Variants in IQGAP2 observed in about 807,000 individuals in gnomAD.
IQGAP2 encodes the protein IQ motif containing GTPase activating protein 2.
A neutral mutation model predicts 201.3 loss-of-function variants in IQGAP2; 173 were observed. That is an observed-to-expected ratio of 0.86 (90% confidence interval 0.76 to 0.98). The LOEUF (loss-of-function observed/expected upper bound fraction) is 0.98, where lower values mean the gene tolerates loss of function less well. Ranked by LOEUF, IQGAP2 falls within the 50% of genes least tolerant of loss-of-function variation. IQGAP2 has a pLI of 0.00. For missense variants in IQGAP2, 1,687 were observed against 1,864.8 expected, an observed-to-expected ratio of 0.90 and a Z score of 1.76; for synonymous variants, 675 against 673.9, an observed-to-expected ratio of 1.00 and a Z score of -0.03.
intron 5 of IQGAP2, among the ~76,000 whole-genome samples, chr5:76,588,399 T>C (rs772230350): frequency 7.2e-5 from 11 of 152,218 alleles, no homozygotes; most frequent in Non-Finnish European, 1.3e-4. Context: ...ACACACATCA[T>C]AGTTTAACAT....
At chr5:76,416,986 G>T (rs1052203477) in intron 1 of IQGAP2, among the ~76,000 whole-genome samples, 2 of 151,980 alleles carry the variant, frequency 1.3e-5, no homozygotes, top group African/African-American at 4.8e-5. Context: ...GCACCGCTAT[G>T]CCCAGCTAAT....
At chr5:76,615,910 A>T (rs193230021) in intron 13 of IQGAP2, 2,777 of 152,740 alleles carry the variant, frequency 0.018, 32 homozygotes, top group South Asian at 0.076. Context: ...AAATGATGTC[A>T]TCCCGTATCA....
At chr5:76,618,343 TG>T in intron 13 of IQGAP2, 1 of 1,614,154 alleles carries the variant, frequency 6.2e-7, no homozygotes, top group Non-Finnish European at 8.5e-7. Context: ...GATCTGGTCC[TG>T]AAGAAAAGCA....
Position 76,646,591 on chromosome 5 carries a change from C to A in IQGAP2, c.2094+5488C>A, listed in dbSNP as rs75672291. Among the ~76,000 whole-genome samples the A allele has an allele frequency of 2.0e-3, 299 of 152,276 alleles. 2 individuals are homozygous for A. The highest frequency in any genetic ancestry group is 6.8e-3 in the African/African-American group (281 of 41,562). On this transcript the variant is annotated intron_variant, in intron 17 of 35. Transcript: ENST00000274364. ...TAATAATTCATCTTCCTGTATAATT[C>A]TTTATCACCATAAGAGCTTAAGGGA...
In IQGAP2 at chr5:76,484,236, G is replaced by A. The variant is rs72775781; in HGVS notation, c.146+22567G>A. On this transcript the variant is annotated intron_variant, in intron 2 of 35. Coordinates refer to ENST00000274364, the MANE Select transcript of IQGAP2 (RefSeq NM_006633.5). ...CTCAAAATAGAGCATGTAATTTCAT[G>A]TGTTGTGAAGGCTTATGAGGAAAGT... 1.9e-3 allele frequency among the ~76,000 whole-genome samples: 284 copies of A among 152,322 alleles called. 1 individual carries two copies. The highest frequency in any genetic ancestry group is 3.4e-3 in the Middle Eastern group (1 of 294).
intron 2 of IQGAP2, among the ~76,000 whole-genome samples, chr5:76,506,340 C>T (rs1435254615): frequency 6.6e-6 from 1 of 152,356 alleles, no homozygotes; most frequent in Non-Finnish European, 1.5e-5. Flanking sequence ...AAGCTTCTTG[C>T]TTCCAATGTG....
intron 2 of IQGAP2, among the ~76,000 whole-genome samples, chr5:76,532,759 G>T (rs1047817269): frequency 1.3e-5 from 2 of 152,254 alleles, no homozygotes; most frequent in Non-Finnish European, 2.9e-5. Flanking sequence ...GGACCACTCC[G>T]TGCCCTTGGA....
intron 2 of IQGAP2, among the ~76,000 whole-genome samples, chr5:76,508,753 T>C (rs1468711633): frequency 2.0e-5 from 3 of 150,680 alleles, no homozygotes; most frequent in Non-Finnish European, 4.4e-5. Flanking sequence ...TAGGAAAAAA[T>C]ACGAAATGGA....
At chr5:76,597,626 G>C (rs1293535484) in intron 10 of IQGAP2, 24 bp downstream of exon 10, 3 of 1,612,862 alleles carry the variant, frequency 1.9e-6, no homozygotes, top group African/African-American at 2.7e-5. Flanking sequence ...GACCCCAGCT[G>C]TGGGGACGGT....
chr5:76,426,905 GGTGTGT>G lies in IQGAP2; in HGVS notation c.46+23340_46+23345del, dbSNP rs141560559. On this transcript the variant is annotated intron_variant, in intron 1 of 35. Transcript: ENST00000274364. ...AGCCAAGCGGGGAAAAACCATGGAG[GGTGTGT>G]GTGTGTGTGTGTGTGTGTGTGTGTG... 2.3e-4 allele frequency among the ~76,000 whole-genome samples: 34 copies of G among 146,696 alleles called. 1 individual carries two copies. The East Asian group carries it at 4.3e-3, about 18-fold the overall frequency.
At chr5:76,611,400 C>T (rs1424513560) in intron 13 of IQGAP2, among the ~76,000 whole-genome samples, 3 of 152,166 alleles carry the variant, frequency 2.0e-5, no homozygotes, top group South Asian at 2.1e-4. Context: ...AATTCTTTGA[C>T]TAAAAACTCA....
At chr5:76,440,652 G>T (rs912002615) in intron 1 of IQGAP2, among the ~76,000 whole-genome samples, 1 of 152,140 alleles carries the variant, frequency 6.6e-6, no homozygotes, top group Non-Finnish European at 1.5e-5. Flanking sequence ...AGAACTCTAG[G>T]CTGGCCAAGT....
chr5:76,524,730 C>T (rs1210249877), intron 2 of IQGAP2, among the ~76,000 whole-genome samples: 3 of 152,170 alleles, frequency 2.0e-5, no homozygotes, highest in African/African-American at 7.2e-5. Flanking sequence ...CTAGGGCATT[C>T]ACATTCTTGA....
intron 17 of IQGAP2, among the ~76,000 whole-genome samples, chr5:76,646,079 A>C (rs1013053093): frequency 6.6e-6 from 1 of 152,210 alleles, no homozygotes; most frequent in African/African-American, 2.4e-5. Context: ...TATACATTCA[A>C]ACAATTGCAC....
intron 21 of IQGAP2, among the ~76,000 whole-genome samples, chr5:76,662,620 C>T (rs1176887672): frequency 6.6e-6 from 1 of 152,138 alleles, no homozygotes; most frequent in Non-Finnish European, 1.5e-5. Flanking sequence ...ACATACATGT[C>T]GCCAGCTATC....
chr5:76,671,545 G>C (rs756975697), intron 23 of IQGAP2, among the ~76,000 whole-genome samples: 3 of 151,826 alleles, frequency 2.0e-5, no homozygotes, highest in African/African-American at 4.8e-5. Flanking sequence ...GTAGCCCCGG[G>C]CATGTGGTGG....
At chr5:76,623,247 C>G in intron 13 of IQGAP2, 1 of 1,613,976 alleles carries the variant, frequency 6.2e-7, no homozygotes, top group Non-Finnish European at 8.5e-7. Flanking sequence ...GACCTGAGTC[C>G]CGTCTCTTAA....
intron 1 of IQGAP2, among the ~76,000 whole-genome samples, chr5:76,416,064 T>A (rs1455238808): frequency 6.6e-6 from 1 of 152,224 alleles, no homozygotes; most frequent in Non-Finnish European, 1.5e-5. Flanking sequence ...AGTGTTCTCT[T>A]GACTCACAAA....
At chr5:76,415,956 A>C (rs1287172226) in intron 1 of IQGAP2, among the ~76,000 whole-genome samples, 1 of 151,892 alleles carries the variant, frequency 6.6e-6, no homozygotes, top group Non-Finnish European at 1.5e-5. Context: ...AAAAAAAAAA[A>C]AATGTGAAAA....
Sources: allele counts gnomAD v4.1 joint callset (sites outside exome capture counted in the v4.1 genomes callset), GRCh38; gene constraint gnomAD v4.1.1; transcripts MANE v1.5; gene names NCBI Gene and HGNC (gene_info 2026-07-23, HGNC 2026-07-21).